The following SBF2 variants were observed in gnomAD, a reference collection of about 807,000 sequenced individuals.
The protein encoded by SBF2 is SET binding factor 2.
SBF2 carries 112 observed loss-of-function variants against 225.2 expected under a neutral mutation model. The ratio of observed to expected loss-of-function variants is 0.50; its 90% confidence interval spans 0.43 to 0.58. The LOEUF is 0.58. SBF2 is among the 20% of genes least tolerant of loss of function. SBF2 has a pLI of 0.00. For synonymous variants in SBF2, 763 were observed against 773.3 expected (o/e 0.99, Z 0.22); for missense variants, 1,996 against 2,206.2 (o/e 0.90, Z 1.91).
chr11:10,133,663 C>T (rs1290890977), intron 2 of SBF2, among the ~76,000 whole-genome samples: 1 of 150,620 alleles, frequency 6.6e-6, no homozygotes, highest in Non-Finnish European at 1.5e-5. Context: ...CCGCACACAG[C>T]CCCGGTTCCC....
chr11:9,999,027 G>A (rs1169640736), intron 8 of SBF2, among the ~76,000 whole-genome samples: 2 of 152,090 alleles, frequency 1.3e-5, no homozygotes, highest in African/African-American at 4.8e-5. Context: ...TACATCAAAA[G>A]GGTGCTGTTT....
rs866699536 is a variant in SBF2, at chr11:10,015,066, C to A, written c.620-12377G>T. 7.2e-5 allele frequency among the ~76,000 whole-genome samples: 11 copies of A among 152,078 alleles called. No homozygotes were observed. In the South Asian group the frequency reaches 2.1e-3, roughly 29 times the overall value. On this transcript the variant is annotated intron_variant, in intron 6 of 39. Coordinates refer to ENST00000256190, the MANE Select transcript of SBF2 (RefSeq NM_030962.4). ...GGAGGACTGCCTGAGCCCAGGAGGTCGAGGCTACAGTGAGCTGAGTTTGCA... is the reference window on the plus strand; with the variant it reads ...GGAGGACTGCCTGAGCCCAGGAGGTAGAGGCTACAGTGAGCTGAGTTTGCA...
chr11:9,959,537 C>G, intron 16 of SBF2: 2 of 790,322 alleles, frequency 2.5e-6, no homozygotes, highest in Non-Finnish European at 4.7e-6. Flanking sequence ...TTGTGGAGGT[C>G]CTTGTGGAAG....
intron 16 of SBF2, among the ~76,000 whole-genome samples, chr11:9,932,855 G>C (rs1864593446): frequency 6.8e-6 from 1 of 147,080 alleles, no homozygotes; most frequent in African/African-American, 2.5e-5. Context: ...AAAGAGTCAA[G>C]ACCCATCGGT....
At chr11:9,833,510 T>C (rs1405154279) in intron 26 of SBF2, among the ~76,000 whole-genome samples, 1 of 147,922 alleles carries the variant, frequency 6.8e-6, no homozygotes, top group African/African-American at 2.5e-5. Flanking sequence ...AAGCTCCGCC[T>C]CCCGGGTTCA....
At chr11:10,060,392 C>A (rs1950393262) in intron 2 of SBF2, among the ~76,000 whole-genome samples, 1 of 152,144 alleles carries the variant, frequency 6.6e-6, no homozygotes, top group Non-Finnish European at 1.5e-5. Flanking sequence ...TAATAAATAG[C>A]CTACCAACCA....
intron 16 of SBF2, among the ~76,000 whole-genome samples, chr11:9,897,879 T>C (rs1016796757): frequency 6.6e-5 from 10 of 152,186 alleles, no homozygotes; most frequent in African/African-American, 2.4e-4. Flanking sequence ...TGTTTTTTCC[T>C]CTAGACACTG....
intron 1 of SBF2, among the ~76,000 whole-genome samples, chr11:10,208,254 G>A (rs1025574339): frequency 1.3e-5 from 2 of 151,964 alleles, no homozygotes; most frequent in Non-Finnish European, 2.9e-5. Context: ...ACCACTAGAT[G>A]GCATAACACT....
At chr11:9,992,668 T>C (rs1947489724) in intron 11 of SBF2, 125 bp from the exon 12 acceptor site, 2 of 863,346 alleles carry the variant, frequency 2.3e-6, no homozygotes, top group South Asian at 2.1e-5. Context: ...TATGCTGTCA[T>C]AAAATATATT....
At chr11:9,978,785 C>T (rs1427940292) in intron 13 of SBF2, among the ~76,000 whole-genome samples, 1 of 152,100 alleles carries the variant, frequency 6.6e-6, no homozygotes, top group Non-Finnish European at 1.5e-5. Context: ...CCCTTGAGCC[C>T]AGGAGTTCCA....
At chr11:10,112,870 A>G (rs1461298360) in intron 2 of SBF2, among the ~76,000 whole-genome samples, 1 of 152,234 alleles carries the variant, frequency 6.6e-6, no homozygotes, top group Non-Finnish European at 1.5e-5. Flanking sequence ...AGTGCATTAC[A>G]TATGTGTACT....
chr11:9,823,342 G>T (rs989073007), intron 28 of SBF2, among the ~76,000 whole-genome samples: 1 of 152,110 alleles, frequency 6.6e-6, no homozygotes, highest in African/African-American at 2.4e-5. Flanking sequence ...AGAGGTGAAG[G>T]TCAATTTTAA....
intron 17 of SBF2, among the ~76,000 whole-genome samples, chr11:9,859,621 T>G (rs1384289470): frequency 6.6e-6 from 1 of 152,242 alleles, no homozygotes; most frequent in Non-Finnish European, 1.5e-5. Flanking sequence ...GCTGAGTGTC[T>G]TCTCCTGAAA....
At chr11:10,103,311 G>A (rs955907617) in intron 2 of SBF2, among the ~76,000 whole-genome samples, 1 of 151,922 alleles carries the variant, frequency 6.6e-6, no homozygotes, top group African/African-American at 2.4e-5. Context: ...GTCCTCTAAA[G>A]ACCAAAAACG....
intron 2 of SBF2, among the ~76,000 whole-genome samples, chr11:10,116,711 C>A (rs1351626040): frequency 1.3e-5 from 2 of 151,946 alleles, no homozygotes; most frequent in Non-Finnish European, 2.9e-5. Flanking sequence ...TCAGATCAGT[C>A]TCTTTAAGTA....
At chr11:10,009,979 G>A (rs1356405838) in intron 6 of SBF2, among the ~76,000 whole-genome samples, 1 of 152,136 alleles carries the variant, frequency 6.6e-6, no homozygotes, top group Non-Finnish European at 1.5e-5. Flanking sequence ...TTGTGGTTTT[G>A]ATTTGCGTTT....
At chr11:9,854,609 G>A (rs1857186164) in intron 19 of SBF2, among the ~76,000 whole-genome samples, 1 of 152,134 alleles carries the variant, frequency 6.6e-6, no homozygotes, top group Non-Finnish European at 1.5e-5. Context: ...TTTAGAGACA[G>A]GGTCTCACTC....
intron 2 of SBF2, among the ~76,000 whole-genome samples, chr11:10,144,843 G>T (rs557721791): frequency 6.6e-6 from 1 of 152,296 alleles, no homozygotes; most frequent in African/African-American, 2.4e-5. Flanking sequence ...CTTCTCTTCT[G>T]TTACAACCTA....
intron 29 of SBF2, among the ~76,000 whole-genome samples, chr11:9,815,961 A>G (rs1854434406): frequency 6.6e-6 from 1 of 152,306 alleles, no homozygotes; most frequent in African/African-American, 2.4e-5. Flanking sequence ...TTAAGGGCCA[A>G]GCATGTGGGA....
Sources: allele counts gnomAD v4.1 joint callset (sites outside exome capture counted in the v4.1 genomes callset), GRCh38; gene constraint gnomAD v4.1.1; transcripts MANE v1.5; gene names NCBI Gene and HGNC (gene_info 2026-07-23, HGNC 2026-07-21).